ZNF804B: variants seen among roughly 807,000 people sequenced by gnomAD.
ZNF804B encodes the protein zinc finger protein 804B.
A neutral mutation model predicts 101.4 loss-of-function variants in ZNF804B; 80 were observed. The observed-to-expected ratio is 0.79, with a 90% confidence interval of 0.66 to 0.95. The LOEUF (loss-of-function observed/expected upper bound fraction) is 0.95, where lower values mean the gene tolerates loss of function less well. Ranked by LOEUF, ZNF804B falls within the 40% of genes least tolerant of loss-of-function variation. The pLI, the probability that ZNF804B is intolerant of heterozygous loss-of-function variation, is 0.00. For missense variants in ZNF804B, 1,673 were observed against 1,561.9 expected (o/e 1.07, Z -1.20); for synonymous variants, 622 against 558.8 (o/e 1.11, Z -1.59).
chr7:88,824,934 G>A (rs1007160465), intron 1 of ZNF804B, among the ~76,000 whole-genome samples: 7 of 152,256 alleles, frequency 4.6e-5, no homozygotes, highest in Admixed American at 2.6e-4. Flanking sequence ...AATGGAGAAG[G>A]CAATCTTAAT....
chr7:89,190,119 T>C (rs1326666380), intron 1 of ZNF804B, among the ~76,000 whole-genome samples: 1 of 152,028 alleles, frequency 6.6e-6, no homozygotes, highest in African/African-American at 2.4e-5. Context: ...ACTGCAGATA[T>C]GGTTTTAATA....
chr7:88,960,646 T>C (rs1245022725), intron 1 of ZNF804B, among the ~76,000 whole-genome samples: 1 of 151,428 alleles, frequency 6.6e-6, no homozygotes, highest in East Asian at 2.0e-4. Context: ...ATATTATCTT[T>C]GTGATTTTTT....
At chr7:89,152,134 G>A (rs1790886746) in intron 1 of ZNF804B, among the ~76,000 whole-genome samples, 1 of 152,024 alleles carries the variant, frequency 6.6e-6, no homozygotes, top group African/African-American at 2.4e-5. Flanking sequence ...TATGGATTTG[G>A]CTTACCATCT....
intron 2 of ZNF804B, among the ~76,000 whole-genome samples, chr7:89,241,909 T>C (rs1295688527): frequency 6.6e-6 from 1 of 150,604 alleles, no homozygotes; most frequent in Non-Finnish European, 1.5e-5. Context: ...TTTTTTTTTC[T>C]CTTAAAGGAA....
At chr7:88,875,375 G>A (rs1271029569) in intron 1 of ZNF804B, among the ~76,000 whole-genome samples, 1 of 152,038 alleles carries the variant, frequency 6.6e-6, no homozygotes, top group African/African-American at 2.4e-5. Flanking sequence ...CCAGGAGCTG[G>A]TTTTTTGAAA....
intron 2 of ZNF804B, among the ~76,000 whole-genome samples, chr7:89,240,900 A>C (rs1006253927): frequency 6.6e-6 from 1 of 152,008 alleles, no homozygotes; most frequent in African/African-American, 2.4e-5. Flanking sequence ...CAATAGGCTC[A>C]CCCCACTTTA....
chr7:88,963,631 A>G (rs1294153434), intron 1 of ZNF804B, among the ~76,000 whole-genome samples: 3 of 151,386 alleles, frequency 2.0e-5, no homozygotes, highest in Non-Finnish European at 3.0e-5. Context: ...TTTCTTTGCT[A>G]TGACTCCAAA....
chr7:88,975,687 G>A (rs1291788665), intron 1 of ZNF804B, among the ~76,000 whole-genome samples: 1 of 151,414 alleles, frequency 6.6e-6, no homozygotes, highest in African/African-American at 2.4e-5. Context: ...TTTGTTGGAT[G>A]GGTAGTTTGC....
rs1171569346 is a variant in ZNF804B, at chr7:89,333,819, A to G, written c.837A>G (p.Lys279=). The G allele has an allele frequency of 2.5e-6, 4 of 1,613,300 alleles. No homozygotes were observed. Among genetic ancestry groups the G allele is most frequent in the East Asian group, 2.2e-5 (1 of 44,824 alleles). The change falls in exon 4 of 4, where the codon AAA becomes AAG. Residue 279 remains lysine (K), a synonymous_variant. Transcript: ENST00000333190. ...AAGATACACACCTTACCAAGGAAAA[A>G]GAGGTAAATATCTCACCAAGCCATC... ...ANKDTHLTKE[K]EVNISPSHLE...
chr7:89,238,379 G>A (rs557666811), intron 2 of ZNF804B, among the ~76,000 whole-genome samples: 1 of 152,226 alleles, frequency 6.6e-6, no homozygotes, highest in Admixed American at 6.5e-5. Flanking sequence ...GTTGTGATCT[G>A]TGAGTGGGTC....
chr7:89,116,422 G>C (rs1452652331), intron 1 of ZNF804B, among the ~76,000 whole-genome samples: 1 of 152,162 alleles, frequency 6.6e-6, no homozygotes, highest in East Asian at 1.9e-4. Flanking sequence ...GACTTTGAAA[G>C]AGTGGGTCTC....
chr7:88,779,247 A>C (rs1323268198), intron 1 of ZNF804B, among the ~76,000 whole-genome samples: 4 of 152,158 alleles, frequency 2.6e-5, no homozygotes, highest in Non-Finnish European at 5.9e-5. Flanking sequence ...GAATGTCTGG[A>C]GTAGGGCCTG....
At chr7:88,924,089 T>C (rs1281573831) in intron 1 of ZNF804B, among the ~76,000 whole-genome samples, 1 of 152,126 alleles carries the variant, frequency 6.6e-6, no homozygotes, top group Non-Finnish European at 1.5e-5. Context: ...ATGGAGTTTC[T>C]GGGTCAGAGG....
intron 1 of ZNF804B, among the ~76,000 whole-genome samples, chr7:88,875,479 TCAC>T (rs1404805273): frequency 6.6e-6 from 1 of 151,932 alleles, no homozygotes; most frequent in Non-Finnish European, 1.5e-5. Context: ...AAAGGAGATA[TCAC>T]CACCGATCCC....
intron 1 of ZNF804B, among the ~76,000 whole-genome samples, chr7:89,004,055 CAAAAAA>C (rs5885649): frequency 1.8e-5 from 2 of 112,164 alleles, no homozygotes; most frequent in Non-Finnish European, 1.9e-5. Context: ...CCTGAATGAG[CAAAAAA>C]AAAAAAAAAA....
chr7:89,153,641 G>A (rs369257042), intron 1 of ZNF804B, among the ~76,000 whole-genome samples: 8 of 151,936 alleles, frequency 5.3e-5, no homozygotes, highest in African/African-American at 9.7e-5. Context: ...AAGTGGTCAC[G>A]ATGAAAACTG....
At chr7:89,098,718 A>G (rs1458805986) in intron 1 of ZNF804B, among the ~76,000 whole-genome samples, 1 of 152,152 alleles carries the variant, frequency 6.6e-6, no homozygotes. Flanking sequence ...CTGCTCCTAC[A>G]TGACATTTGC....
intron 1 of ZNF804B, among the ~76,000 whole-genome samples, chr7:88,972,817 A>G (rs545912691): frequency 1.7e-4 from 25 of 151,502 alleles, no homozygotes; most frequent in Admixed American, 1.3e-3. Context: ...TTTAAGTCAA[A>G]AATAGAAGAT....
chr7:89,251,260 GAATGTACATA>G (rs1311657249), intron 2 of ZNF804B, among the ~76,000 whole-genome samples: 4 of 152,066 alleles, frequency 2.6e-5, no homozygotes, highest in African/African-American at 9.7e-5. Flanking sequence ...GATACAAAAT[GAATGTACATA>G]AATTAACAGC....
Sources: allele counts gnomAD v4.1 joint callset (sites outside exome capture counted in the v4.1 genomes callset), GRCh38; gene constraint gnomAD v4.1.1; transcripts MANE v1.5; gene names NCBI Gene and HGNC (gene_info 2026-07-23, HGNC 2026-07-21).